BCHE: variants seen among roughly 807,000 people sequenced by gnomAD.
BCHE encodes the protein cholinesterase.
A neutral mutation model predicts 51.3 loss-of-function variants in BCHE; 48 were observed. The observed-to-expected ratio is 0.94, with a 90% CI of 0.74 to 1.19. The LOEUF is 1.19. Among genes scored for constraint, BCHE ranks in the 50% most tolerant of loss-of-function variants. BCHE has a pLI of 0.00. For missense variants in BCHE, 847 were observed against 708.2 expected, an observed-to-expected ratio of 1.20 and a Z score of -2.23; for synonymous variants, 251 against 238.0, an observed-to-expected ratio of 1.05 and a Z score of -0.50.
At chr3:165,835,908 G>C (rs1308965557) in intron 1 of BCHE, among the ~76,000 whole-genome samples, 1 of 151,704 alleles carries the variant, frequency 6.6e-6, no homozygotes, top group South Asian at 2.1e-4. Context: ...ATCTGGGACC[G>C]TCTAATTTTG....
chr3:165,827,251 T>A (rs2108232627), intron 2 of BCHE, among the ~76,000 whole-genome samples: 1 of 152,188 alleles, frequency 6.6e-6, no homozygotes. Flanking sequence ...AATGTTATTA[T>A]CTCTGTTCAA....
chr3:165,791,030 G>A (rs1713143341), intron 2 of BCHE, among the ~76,000 whole-genome samples: 1 of 152,148 alleles, frequency 6.6e-6, no homozygotes, highest in African/African-American at 2.4e-5. Context: ...AGGCACGGTG[G>A]CTCACGCCTG....
chr3:165,803,399 T>C (rs748887326), intron 2 of BCHE, among the ~76,000 whole-genome samples: 1 of 152,178 alleles, frequency 6.6e-6, no homozygotes, highest in Non-Finnish European at 1.5e-5. Context: ...TGCTTAATTC[T>C]GCAGTACAGA....
chr3:165,793,873 C>A (rs1478537251), intron 2 of BCHE, among the ~76,000 whole-genome samples: 1 of 152,040 alleles, frequency 6.6e-6, no homozygotes, highest in Non-Finnish European at 1.5e-5. Context: ...TGGTGAAACC[C>A]CGTCTCTACT....
At chr3:165,800,342 C>T (rs547801524) in intron 2 of BCHE, among the ~76,000 whole-genome samples, 7 of 152,140 alleles carry the variant, frequency 4.6e-5, no homozygotes, top group South Asian at 2.1e-4. Context: ...CAACTTTATT[C>T]GTTACTAAAT....
intron 1 of BCHE, among the ~76,000 whole-genome samples, chr3:165,837,096 T>C (rs1715215852): frequency 6.6e-6 from 1 of 152,128 alleles, no homozygotes. Flanking sequence ...TTCTCAGCAG[T>C]TAAATAAACA....
intron 2 of BCHE, among the ~76,000 whole-genome samples, chr3:165,807,369 T>C (rs906325869): frequency 1.3e-5 from 2 of 151,930 alleles, no homozygotes; most frequent in Admixed American, 1.3e-4. Flanking sequence ...CCTTAGGAAA[T>C]ATAAAGTTCT....
intron 2 of BCHE, among the ~76,000 whole-genome samples, chr3:165,789,429 G>T (rs1053605234): frequency 1.3e-5 from 2 of 151,938 alleles, no homozygotes; most frequent in Admixed American, 6.6e-5. Context: ...GATTCAGGAT[G>T]CCCTGATATG....
At chr3:165,820,541 G>A (rs1234103423) in intron 2 of BCHE, among the ~76,000 whole-genome samples, 1 of 151,880 alleles carries the variant, frequency 6.6e-6, no homozygotes, top group African/African-American at 2.4e-5. Context: ...AATCCAAGGG[G>A]ATTTAAGCCC....
chr3:165,804,855 A>G (rs983323983), intron 2 of BCHE, among the ~76,000 whole-genome samples: 2 of 152,226 alleles, frequency 1.3e-5, no homozygotes, highest in African/African-American at 4.8e-5. Flanking sequence ...CACATTAATT[A>G]AGCTGTTTGA....
At chr3:165,800,442 C>A (rs1377204753) in intron 2 of BCHE, among the ~76,000 whole-genome samples, 1 of 151,948 alleles carries the variant, frequency 6.6e-6, no homozygotes, top group African/African-American at 2.4e-5. Context: ...AGAAATATGT[C>A]TTTATTAATA....
chr3:165,777,142 C>T (rs1023261538), intron 3 of BCHE, among the ~76,000 whole-genome samples: 2 of 151,740 alleles, frequency 1.3e-5, no homozygotes, highest in African/African-American at 2.4e-5. Context: ...ATAAAGCTTA[C>T]AATTCTCGTA....
rs575172473 is a variant in BCHE at position 165,814,948 on chromosome 3, T to C, written c.1517+14569A>G. Among the ~76,000 whole-genome samples, 5 of 148,684 alleles carry C rather than the reference T, an allele frequency of 3.4e-5. No homozygotes were observed. In the Middle Eastern group the frequency reaches 0.011, roughly 319 times the overall value. On this transcript the variant is annotated intron_variant, in intron 2 of 3. Transcript: ENST00000264381. ...ATTTTTAACTTATACTAATATTTAATTATAAATTTTATATCTATAATATTA... is the reference window on the plus strand; with the variant it reads ...ATTTTTAACTTATACTAATATTTAACTATAAATTTTATATCTATAATATTA...
chr3:165,779,131 C>T (rs1019932340), intron 3 of BCHE, among the ~76,000 whole-genome samples: 6 of 152,066 alleles, frequency 3.9e-5, no homozygotes, highest in Non-Finnish European at 7.4e-5. Flanking sequence ...ATATTAATCT[C>T]GTACTACGGA....
intron 2 of BCHE, among the ~76,000 whole-genome samples, chr3:165,827,832 T>A (rs965405916): frequency 3.9e-5 from 6 of 152,154 alleles, no homozygotes; most frequent in African/African-American, 1.2e-4. Context: ...CAGAAATTTA[T>A]GCTGATGTTG....
At chr3:165,799,067 A>T (rs1713537064) in intron 2 of BCHE, among the ~76,000 whole-genome samples, 1 of 152,190 alleles carries the variant, frequency 6.6e-6, no homozygotes. Flanking sequence ...TATCTATATC[A>T]TCTGACAGAT....
chr3:165,833,081 TATA>T (rs974254830), intron 1 of BCHE, among the ~76,000 whole-genome samples: 4 of 152,246 alleles, frequency 2.6e-5, no homozygotes, highest in Non-Finnish European at 5.9e-5. Flanking sequence ...AAATGACTGC[TATA>T]ATAATAAGGT....
At chr3:165,791,349 A>G (rs960704590) in intron 2 of BCHE, among the ~76,000 whole-genome samples, 1 of 152,258 alleles carries the variant, frequency 6.6e-6, no homozygotes, top group East Asian at 1.9e-4. Context: ...TTAAAAGATC[A>G]TCTGTCTGTA....
intron 1 of BCHE, among the ~76,000 whole-genome samples, chr3:165,835,335 T>C (rs1226279324): frequency 1.3e-5 from 2 of 151,858 alleles, no homozygotes; most frequent in Non-Finnish European, 3.0e-5. Flanking sequence ...TTGGGATACT[T>C]GAATATCAAC....
Sources: gnomAD v4.1 joint callset for allele counts (sites outside exome capture counted in the v4.1 genomes callset) on GRCh38, gnomAD v4.1.1 for gene constraint, MANE v1.5 for transcripts, NCBI Gene and HGNC (gene_info 2026-07-23, HGNC 2026-07-21) for gene names.